DNAH11: variants seen among roughly 807,000 people sequenced by gnomAD.
The protein encoded by DNAH11 is axonemal beta dynein heavy chain 11.
DNAH11 carries 442 observed loss-of-function variants against 526.0 expected under a neutral mutation model. That is an observed-to-expected ratio of 0.84 (90% CI 0.78 to 0.91). DNAH11 has a LOEUF of 0.91. DNAH11 is among the 40% of genes least tolerant of loss of function. The probability of loss-of-function intolerance (pLI) is 0.00; values close to 1 mark genes in which losing one functional copy is unlikely to be tolerated. For synonymous variants in DNAH11, 2,461 were observed against 1,935.9 expected (o/e 1.27, Z -7.12); for missense variants, 6,989 against 5,448.7 (o/e 1.28, Z -8.90).
At chr7:21,816,805 G>T (rs576907433) in intron 64 of DNAH11, 103 bp downstream of exon 64, 3 of 889,762 alleles carry the variant, frequency 3.4e-6, no homozygotes, top group Non-Finnish European at 5.2e-6. Context: ...CCACATTGAT[G>T]TATTACAATT....
At position 21,790,523 on chromosome 7, in the gene DNAH11, A is replaced by G. The variant is rs149966402; in HGVS notation, c.10026+1181A>G. ...ACTAAATACCACTACTGTTTTTACA[A>G]ATATGTAAACCACTCATCCTAGTCC... is the stretch of plus-strand genomic sequence containing the variant. On this transcript the variant is annotated intron_variant, in intron 61 of 81. Transcript: ENST00000409508. 4.7e-3 allele frequency among the ~76,000 whole-genome samples: 720 copies of G among 152,326 alleles called. 6 individuals are homozygous for G. The highest frequency in any genetic ancestry group is 0.017 in the African/African-American group (698 of 41,576).
intron 48 of DNAH11, among the ~76,000 whole-genome samples, chr7:21,741,554 G>C (rs1785899122): frequency 6.6e-6 from 1 of 152,194 alleles, no homozygotes; most frequent in African/African-American, 2.4e-5. Context: ...GCTGATCTTG[G>C]CTGGGCTCAT....
intron 2 of DNAH11, among the ~76,000 whole-genome samples, chr7:21,547,934 G>C (rs1782866278): frequency 6.6e-6 from 1 of 152,148 alleles, no homozygotes; most frequent in Admixed American, 6.5e-5. Context: ...TTGCTAGTAA[G>C]TTATGCACAT....
At chr7:21,838,132 A>G (rs1325069046) in intron 65 of DNAH11, among the ~76,000 whole-genome samples, 1 of 152,220 alleles carries the variant, frequency 6.6e-6, no homozygotes, top group African/African-American at 2.4e-5. Context: ...CTCAAATAAT[A>G]GAAGGAATTT....
chr7:21,803,212 G>A (rs925830750), intron 62 of DNAH11, among the ~76,000 whole-genome samples: 1 of 152,120 alleles, frequency 6.6e-6, no homozygotes, highest in African/African-American at 2.4e-5. Context: ...AAATGCATTT[G>A]GCTGGAGGTG....
At chr7:21,646,777 C>G (rs1583559786) in intron 28 of DNAH11, among the ~76,000 whole-genome samples, 1 of 152,144 alleles carries the variant, frequency 6.6e-6, no homozygotes, top group Non-Finnish European at 1.5e-5. Context: ...AGACACTGCT[C>G]TAGTCCCACC....
In DNAH11 at chr7:21,635,885, T is replaced by C. The variant is rs767981709; in HGVS notation, c.4515T>C (p.Thr1505=). The change falls in exon 26 of 82, where the codon ACT becomes ACC. Residue 1505 remains threonine (T), a synonymous_variant. Coordinates refer to ENST00000409508, the MANE Select transcript of DNAH11 (RefSeq NM_001277115.2). Reference sequence around the variant, plus strand: ...CTTTATTTTAGGTTCAGTTGCAGACTCTTCTTCAAAGCAAGTATGTAGAAT... The same window carrying C: ...CTTTATTTTAGGTTCAGTTGCAGACCCTTCTTCAAAGCAAGTATGTAGAAT... The part of the protein sequence containing the change: ...TLEHNQVQLQ[T]LLQSKYVEYF... 2.5e-6 allele frequency: 4 copies of C among 1,610,910 alleles called. No individual in the cohort carries two copies. The highest frequency in any genetic ancestry group is 3.3e-5 in the Admixed American group (2 of 59,764).
chr7:21,580,183 G>A (rs1211511409), intron 8 of DNAH11, among the ~76,000 whole-genome samples: 1 of 152,128 alleles, frequency 6.6e-6, no homozygotes, highest in Non-Finnish European at 1.5e-5. Context: ...AGGGAGACTA[G>A]CATATTTTTC....
rs531270855 is a variant in DNAH11 at position 21,558,691 on chromosome 7, A to G, written c.496-111A>G. 65 of 623,828 alleles carry G rather than the reference A, an allele frequency of 1.0e-4. No homozygotes were observed. The African/African-American group carries it at 1.6e-3, about 15-fold the overall frequency. The allele number at this position is 623,828 out of a possible 1,614,324, so 38.6% of individuals were successfully genotyped here. On this transcript the variant is annotated intron_variant, in intron 2 of 81. Coordinates refer to ENST00000409508, the MANE Select transcript of DNAH11 (RefSeq NM_001277115.2). ...ATCCTCTCTTTGTAGATTTGATATC[A>G]TTGGATATTTATGAAATTGGACAGT...
At position 21,627,900 on chromosome 7, in the gene DNAH11, A is replaced by G. The variant is rs528620223; in HGVS notation, c.4500+7822A>G. On this transcript the variant is annotated intron_variant, in intron 25 of 81. Transcript: ENST00000409508. ...CATTTTAACAATACTCTTCCAATCC[A>G]TGAGCGTGGAATATCTTTCTGTTTT... Among the ~76,000 whole-genome samples, 20 of 152,322 alleles carry G rather than the reference A, an allele frequency of 1.3e-4. No homozygotes were observed. In the South Asian group the frequency reaches 2.1e-3, roughly 16 times the overall value.
intron 35 of DNAH11, among the ~76,000 whole-genome samples, chr7:21,692,661 A>G (rs1057090730): frequency 2.6e-5 from 4 of 152,148 alleles, no homozygotes; most frequent in African/African-American, 9.7e-5. Context: ...ATGAACATAT[A>G]TTTTTATTTC....
chr7:21,693,931 G>A (rs1446669417), intron 35 of DNAH11, among the ~76,000 whole-genome samples: 2 of 152,166 alleles, frequency 1.3e-5, no homozygotes, highest in Non-Finnish European at 2.9e-5. Context: ...TGTCTTACAA[G>A]GTGGACCAGG....
At chr7:21,677,385 CT>C (rs1782937830) in intron 30 of DNAH11, among the ~76,000 whole-genome samples, 1 of 151,754 alleles carries the variant, frequency 6.6e-6, no homozygotes, top group Non-Finnish European at 1.5e-5. Flanking sequence ...GATCAGTAAT[CT>C]TTTTTTATTT....
intron 9 of DNAH11, among the ~76,000 whole-genome samples, chr7:21,582,775 A>G (rs1246404086): frequency 6.6e-6 from 1 of 152,212 alleles, no homozygotes; most frequent in African/African-American, 2.4e-5. Flanking sequence ...GGAGGGTTCA[A>G]TATCAGAAGA....
chr7:21,574,547 C>G (rs1195696674), intron 8 of DNAH11, among the ~76,000 whole-genome samples: 10 of 148,312 alleles, frequency 6.7e-5, no homozygotes. Flanking sequence ...TCCCTCCCTC[C>G]CTCCCTCCCT....
At position 21,609,171 on chromosome 7, in the gene DNAH11, AC is replaced by A. The variant is rs1179013273; in HGVS notation, c.3852+2439del. 3.9e-5 allele frequency among the ~76,000 whole-genome samples: 6 copies of A among 152,306 alleles called. No homozygotes were observed. The South Asian group carries it at 1.2e-3, about 32-fold the overall frequency. On this transcript the variant is annotated intron_variant, in intron 20 of 81. Transcript: ENST00000409508. ...AACTGTATAATAACCAGCTGAATTAACATAACTGGGTATTTCTTCCTTTCCT... is the reference window on the plus strand; with the variant it reads ...AACTGTATAATAACCAGCTGAATTAAATAACTGGGTATTTCTTCCTTTCCT...
At chr7:21,620,852 A>T (rs955520822) in intron 25 of DNAH11, among the ~76,000 whole-genome samples, 1 of 151,264 alleles carries the variant, frequency 6.6e-6, no homozygotes, top group Non-Finnish European at 1.5e-5. Context: ...ACTGAGAATG[A>T]TGATTTCCAA....
rs763238523 is a variant in DNAH11, at chr7:21,873,504, A to G, written c.12195+3A>G. The G allele has an allele frequency of 1.2e-6, 2 of 1,613,460 alleles. No individual in the cohort carries two copies. The highest frequency in any genetic ancestry group is 3.3e-5 in the Admixed American group (2 of 59,996). The stretch of plus-strand genomic sequence containing the variant: ...CCGCCCTGTACAACTTTGATCAGGT[A>G]AGAAAGCGAAGCAGGCTAGGCAGAC... On this transcript the variant is annotated splice_donor_region_variant and intron_variant, in intron 74 of 81. Transcript: ENST00000409508.
chr7:21,885,581 A>G (rs897360931), intron 76 of DNAH11, among the ~76,000 whole-genome samples: 1 of 152,140 alleles, frequency 6.6e-6, no homozygotes, highest in African/African-American at 2.4e-5. Flanking sequence ...ACAATATTGT[A>G]TATCTAAAAA....
Sources: gnomAD v4.1 joint callset for allele counts (sites outside exome capture counted in the v4.1 genomes callset) on GRCh38, gnomAD v4.1.1 for gene constraint, MANE v1.5 for transcripts, NCBI Gene and HGNC (gene_info 2026-07-23, HGNC 2026-07-21) for gene names.